The following ABI3BP variants were observed in gnomAD, a reference collection of about 807,000 sequenced individuals.
ABI3BP encodes the protein ABI family member 3 binding protein, also known as target of Nesh-SH3.
Under a neutral mutation model 268.6 loss-of-function variants are expected in ABI3BP, and 216 were observed. That is an observed-to-expected ratio of 0.80 (90% CI 0.72 to 0.90). ABI3BP has a LOEUF of 0.90. Ranked by LOEUF, ABI3BP falls within the 40% of genes least tolerant of loss-of-function variation. The pLI is 0.00. For synonymous variants in ABI3BP, 730 were observed against 730.0 expected (o/e 1.00, Z 0.00); for missense variants, 2,090 against 2,182.4 (o/e 0.96, Z 0.84).
At chr3:100,982,896 C>T (rs1484113047) in intron 1 of ABI3BP, among the ~76,000 whole-genome samples, 4 of 152,176 alleles carry the variant, frequency 2.6e-5, no homozygotes, top group South Asian at 2.1e-4. Context: ...CATCTCCTGC[C>T]GACATAGCTG....
chr3:100,791,564 T>A (rs770830188), intron 55 of ABI3BP, among the ~76,000 whole-genome samples: 17 of 151,858 alleles, frequency 1.1e-4, no homozygotes, highest in Non-Finnish European at 1.8e-4. Flanking sequence ...TAGGGATGTA[T>A]CACAACGGAA....
chr3:100,972,551 A>G (rs1480570366), intron 1 of ABI3BP, among the ~76,000 whole-genome samples: 2 of 152,226 alleles, frequency 1.3e-5, no homozygotes, highest in African/African-American at 4.8e-5. Flanking sequence ...TTAAAAGTAA[A>G]TAAACATTTC....
chr3:100,834,513 G>A (rs1166960380), intron 29 of ABI3BP, among the ~76,000 whole-genome samples, 171 bp downstream of exon 29: 1 of 152,134 alleles, frequency 6.6e-6, no homozygotes, highest in East Asian at 1.9e-4. Flanking sequence ...CACGCAATCA[G>A]AATGAGGAAG....
At chr3:100,880,239 G>T (rs1170415320) in intron 6 of ABI3BP, among the ~76,000 whole-genome samples, 1 of 152,124 alleles carries the variant, frequency 6.6e-6, no homozygotes, top group Non-Finnish European at 1.5e-5. Flanking sequence ...TGTTTTGGCT[G>T]GTGTGGCCTC....
In ABI3BP at chr3:100,808,179, T is replaced by C. The variant is rs573450460; in HGVS notation, c.3664A>G (p.Ile1222Val). 2.5e-6 allele frequency: 4 copies of C among 1,611,498 alleles called. No individual in the cohort carries two copies. In the Admixed American group the frequency reaches 5.0e-5, roughly 20 times the overall value. ...PKPKTSPRPR[I>V]PQTQPVPKVP... Reference sequence around the variant, plus strand: ...TATTTACCTGGTTGTGTTTGTGGGATTCTTGGGCGTGGTGATGTTTTTGGC... The same window carrying C: ...TATTTACCTGGTTGTGTTTGTGGGACTCTTGGGCGTGGTGATGTTTTTGGC... The change falls in exon 50 of 68, where the codon ATC becomes GTC. Residue 1222 changes from isoleucine to valine, a missense_variant. Coordinates refer to ENST00000471714, the MANE Select transcript of ABI3BP (RefSeq NM_001375547.2).
At chr3:100,973,886 A>G (rs2084854810) in intron 1 of ABI3BP, among the ~76,000 whole-genome samples, 3 of 152,298 alleles carry the variant, frequency 2.0e-5, no homozygotes, top group South Asian at 4.1e-4. Context: ...CGATTTCCAC[A>G]TATTATCTCA....
intron 13 of ABI3BP, chr3:100,862,636 T>A: frequency 1.7e-6 from 1 of 585,504 alleles, no homozygotes; most frequent in Non-Finnish European, 3.0e-6. Flanking sequence ...GCTAAGTGGA[T>A]TATGTGGAAT....
rs2098207079 is a variant in ABI3BP, at chr3:100,821,116, G to T, written c.2888-3C>A. ...AGGTTTGAGCTCCGCAGTAGGAACTGATCAAAAGCATTAAAATTAACCAAA... is the reference window on the plus strand; with the variant it reads ...AGGTTTGAGCTCCGCAGTAGGAACTTATCAAAAGCATTAAAATTAACCAAA... On this transcript the variant is annotated splice_polypyrimidine_tract_variant and splice_region_variant and intron_variant, in intron 38 of 67. Coordinates refer to ENST00000471714, the MANE Select transcript of ABI3BP (RefSeq NM_001375547.2). 10 of 1,535,210 alleles carry T rather than the reference G, an allele frequency of 6.5e-6. No homozygotes were observed. The highest frequency in any genetic ancestry group is 7.9e-6 in the Non-Finnish European group (9 of 1,146,224).
rs190005166 is a variant in ABI3BP, at chr3:100,772,632, T to A, written c.4532-1680A>T. On this transcript the variant is annotated intron_variant, in intron 61 of 67. Coordinates refer to ENST00000471714, the MANE Select transcript of ABI3BP (RefSeq NM_001375547.2). ...TAATAAGACAACAAAAAAGATTAAA[T>A]GAAATCGTAACATACTCAACCTAAA... Among the ~76,000 whole-genome samples the A allele has an allele frequency of 2.5e-3, 381 of 151,596 alleles. 2 individuals are homozygous for A. The highest frequency in any genetic ancestry group is 8.9e-3 in the African/African-American group (368 of 41,304).
At chr3:100,937,302 C>A (rs1318504540) in intron 1 of ABI3BP, among the ~76,000 whole-genome samples, 1 of 151,986 alleles carries the variant, frequency 6.6e-6, no homozygotes, top group Non-Finnish European at 1.5e-5. Flanking sequence ...TAGCTAATAA[C>A]CTATTAATTT....
chr3:100,901,132 C>A (rs1462426219), intron 3 of ABI3BP, among the ~76,000 whole-genome samples: 1 of 152,166 alleles, frequency 6.6e-6, no homozygotes, highest in African/African-American at 2.4e-5. Context: ...GGACAACTCT[C>A]ACTAACAAGT....
intron 55 of ABI3BP, among the ~76,000 whole-genome samples, chr3:100,791,215 A>G (rs1181823969): frequency 6.6e-6 from 1 of 151,890 alleles, no homozygotes; most frequent in East Asian, 1.9e-4. Flanking sequence ...TATTTAATAC[A>G]ATATTTTGAA....
intron 1 of ABI3BP, among the ~76,000 whole-genome samples, chr3:100,988,248 G>A (rs1358969383): frequency 6.6e-6 from 1 of 152,168 alleles, no homozygotes; most frequent in African/African-American, 2.4e-5. Flanking sequence ...GCTCCATGGA[G>A]AGCCAGCTGC....
At chr3:100,965,651 A>C (rs1234273095) in intron 1 of ABI3BP, among the ~76,000 whole-genome samples, 1 of 152,098 alleles carries the variant, frequency 6.6e-6, no homozygotes. Context: ...GCTCTGAAGA[A>C]TGGAATCATG....
At chr3:100,769,511 T>G (rs932207126) in intron 62 of ABI3BP, among the ~76,000 whole-genome samples, 1 of 152,246 alleles carries the variant, frequency 6.6e-6, no homozygotes, top group African/African-American at 2.4e-5. Context: ...ATTCGATAAT[T>G]AAATGTATTA....
At chr3:100,967,441 T>C (rs1204114391) in intron 1 of ABI3BP, among the ~76,000 whole-genome samples, 1 of 150,176 alleles carries the variant, frequency 6.7e-6, no homozygotes, top group Non-Finnish European at 1.5e-5. Flanking sequence ...AAGGAGGAGG[T>C]TGCAGTGAGC....
chr3:100,968,727 G>C (rs1221135788), intron 1 of ABI3BP, among the ~76,000 whole-genome samples: 1 of 152,062 alleles, frequency 6.6e-6, no homozygotes, highest in Non-Finnish European at 1.5e-5. Context: ...TCTGGGATAT[G>C]TGCGCAGAAC....
Position 100,750,194 on chromosome 3 carries a change from C to T in ABI3BP, c.*301G>A, listed in dbSNP as rs1251356859. 1 of 238,842 alleles carries T rather than the reference C, an allele frequency of 4.2e-6. No individual in the cohort carries two copies. The highest frequency in any genetic ancestry group is 7.9e-6 in the Non-Finnish European group (1 of 126,548). 14.8% of individuals were successfully genotyped at this position (238,842 alleles called of 1,614,324 possible). A position where few individuals can be genotyped will look rare whatever the true frequency, so the allele number is the denominator to read the frequency against. ...ATTTTGTTATAAAAGTATCTCAAAA[C>T]ATCATTACAACAGTGTGATAAATAA... On this transcript the variant is annotated 3_prime_UTR_variant, in exon 68 of 68. Transcript: ENST00000471714.
intron 52 of ABI3BP, 129 bp downstream of exon 52, chr3:100,796,280 T>C: frequency 1.5e-6 from 1 of 673,452 alleles, no homozygotes; most frequent in Non-Finnish European, 2.4e-6. Context: ...ACAAGAAATA[T>C]GCATTTTATA....
Sources: allele counts gnomAD v4.1 joint callset (sites outside exome capture counted in the v4.1 genomes callset), GRCh38; gene constraint gnomAD v4.1.1; transcripts MANE v1.5; gene names NCBI Gene and HGNC (gene_info 2026-07-23, HGNC 2026-07-21).